Variants in RELN observed in about 807,000 individuals in gnomAD.
The protein encoded by RELN is reelin.
A neutral mutation model predicts 427.6 loss-of-function variants in RELN; 108 were observed. The ratio of observed to expected loss-of-function variants is 0.25; its 90% CI spans 0.22 to 0.30. The LOEUF (loss-of-function observed/expected upper bound fraction) is 0.30, where lower values mean the gene tolerates loss of function less well. Ranked by LOEUF, RELN falls within the 10% of genes least tolerant of loss-of-function variation. The probability of loss-of-function intolerance (pLI) is 1.00; values close to 1 mark genes in which losing one functional copy is unlikely to be tolerated. For missense variants in RELN, 3,715 were observed against 4,302.8 expected, an observed-to-expected ratio of 0.86 and a Z score of 3.82; for synonymous variants, 1,524 against 1,513.4, an observed-to-expected ratio of 1.01 and a Z score of -0.16.
chr7:103,589,465 T>G, intron 28 of RELN, 131 bp downstream of exon 28: 1 of 707,790 alleles, frequency 1.4e-6, no homozygotes, highest in East Asian at 2.6e-5. Context: ...TAAATAAATG[T>G]TTTAAAAATT....
intron 33 of RELN, among the ~76,000 whole-genome samples, chr7:103,565,886 T>G (rs772072407): frequency 3.3e-5 from 5 of 152,202 alleles, no homozygotes; most frequent in Non-Finnish European, 7.3e-5. Context: ...ATCAGGGTAA[T>G]TGGGATATCC....
At chr7:103,773,015 C>A (rs1005759375) in intron 4 of RELN, among the ~76,000 whole-genome samples, 3 of 152,082 alleles carry the variant, frequency 2.0e-5, no homozygotes, top group Non-Finnish European at 4.4e-5. Context: ...GGAGGATATT[C>A]GGCAGTTCCC....
chr7:103,778,154 CAT>C (rs1791792970), intron 3 of RELN, among the ~76,000 whole-genome samples: 2 of 152,278 alleles, frequency 1.3e-5, no homozygotes, highest in Admixed American at 1.3e-4. Flanking sequence ...GAGAACTAAA[CAT>C]AGGGCCAATC....
intron 2 of RELN, among the ~76,000 whole-genome samples, chr7:103,885,326 A>G (rs927325724): frequency 1.4e-5 from 2 of 143,470 alleles, no homozygotes; most frequent in Admixed American, 7.0e-5. Context: ...GCGACAGAGC[A>G]AGACTCCATC....
chr7:103,486,500 T>A, intron 60 of RELN, 84 bp from the exon 61 acceptor site: 2 of 1,070,066 alleles, frequency 1.9e-6, no homozygotes, highest in Non-Finnish European at 2.8e-6. Context: ...AGTTCAGGTT[T>A]AAGTAGTTGT....
At position 103,621,189 on chromosome 7, in the gene RELN, T is replaced by A. The variant is rs372042223; in HGVS notation, c.2702+8751A>T. On this transcript the variant is annotated intron_variant, in intron 20 of 64. Transcript: ENST00000428762. Reference sequence around the variant, plus strand: ...GTTGCAAAAAGTAGTCAAATGGATTTTTTAACATTGCCTTTAAATTTTATT... The same window carrying A: ...GTTGCAAAAAGTAGTCAAATGGATTATTTAACATTGCCTTTAAATTTTATT... Among the ~76,000 whole-genome samples the A allele has an allele frequency of 6.1e-4, 93 of 152,342 alleles. No individual in the cohort carries two copies. The East Asian group carries it at 6.9e-3, about 11-fold the overall frequency.
chr7:103,483,912 C>T (rs1828332851), intron 61 of RELN, 62 bp from the exon 62 acceptor site: 1 of 1,490,522 alleles, frequency 6.7e-7, no homozygotes, highest in Non-Finnish European at 9.1e-7. Context: ...TGGAGTCTTG[C>T]TCTGTCACCC....
chr7:103,496,012 T>G, intron 56 of RELN, 114 bp from the exon 57 acceptor site: 1 of 1,091,566 alleles, frequency 9.2e-7, no homozygotes, highest in South Asian at 1.3e-5. Flanking sequence ...TCCTTAAATT[T>G]TTATGCTCTA....
intron 2 of RELN, among the ~76,000 whole-genome samples, chr7:103,899,570 A>G (rs1039653842): frequency 2.6e-5 from 4 of 152,200 alleles, no homozygotes; most frequent in Admixed American, 2.6e-4. Context: ...CGAATCCAGC[A>G]GCACATCAAA....
intron 20 of RELN, among the ~76,000 whole-genome samples, chr7:103,624,616 C>T (rs913174554): frequency 4.6e-5 from 7 of 152,068 alleles, no homozygotes; most frequent in African/African-American, 1.7e-4. Flanking sequence ...TTAGTAGAGA[C>T]GGGATTTCAC....
chr7:103,815,926 C>G (rs1792857926), intron 3 of RELN, among the ~76,000 whole-genome samples: 1 of 152,140 alleles, frequency 6.6e-6, no homozygotes, highest in African/African-American at 2.4e-5. Context: ...TCATTAAAAA[C>G]ACTTATTTTT....
rs1584270696 is a variant in RELN, at chr7:103,824,675, T to TGTGTG, written c.473+8861_473+8862insCACAC. On this transcript the variant is annotated intron_variant, in intron 3 of 64. Transcript: ENST00000428762. The surrounding 1 kb of genome is among the most constrained non-coding windows in gnomAD (Gnocchi z 4.4). ...GTGTGTGTGTGTGTGTGTGTGTGTG[T>TGTGTG]TTGCTTCATTTTAGCTAGAGTTGCT... Among the ~76,000 whole-genome samples, 2 of 145,576 alleles carry TGTGTG rather than the reference T, an allele frequency of 1.4e-5. No homozygotes were observed. The highest frequency in any genetic ancestry group is 2.5e-5 in the African/African-American group (1 of 39,958).
chr7:103,923,639 AGATCGTTCC>A (rs1795663245), intron 1 of RELN, among the ~76,000 whole-genome samples: 1 of 152,186 alleles, frequency 6.6e-6, no homozygotes, highest in South Asian at 2.1e-4. Context: ...GGGTAGAGAG[AGATCGTTCC>A]TACCTTACCT....
chr7:103,506,376 A>G (rs12705123), intron 51 of RELN, among the ~76,000 whole-genome samples: 24,663 of 152,218 alleles, frequency 0.16, 2,136 homozygotes, highest in East Asian at 0.29. Flanking sequence ...CAGAAACCCT[A>G]CAAGCCAGAA....
Position 103,824,196 on chromosome 7 carries a change from T to C in RELN, c.473+9341A>G, listed in dbSNP as rs574994154. Among the ~76,000 whole-genome samples, 14 of 152,024 alleles carry C rather than the reference T, an allele frequency of 9.2e-5. No homozygotes were observed. The highest frequency in any genetic ancestry group is 3.9e-4 in the Admixed American group (6 of 15,226). On this transcript the variant is annotated intron_variant, in intron 3 of 64. Transcript: ENST00000428762. This position sits in a 1 kb window ranked among gnomAD's most constrained non-coding sequence, Gnocchi z 4.4. ...CTAGAAAAATTTCTGCCATTATCTC[T>C]TCAAATTTGTCTTATTATTTTTATT... is the stretch of plus-strand genomic sequence containing the variant.
intron 8 of RELN, among the ~76,000 whole-genome samples, chr7:103,713,717 G>A (rs1421231398): frequency 1.3e-5 from 2 of 151,356 alleles, no homozygotes; most frequent in African/African-American, 4.9e-5. Flanking sequence ...ATTCACTAGG[G>A]AGAAAATACT....
At chr7:103,798,887 G>A (rs1792375951) in intron 3 of RELN, among the ~76,000 whole-genome samples, 1 of 152,166 alleles carries the variant, frequency 6.6e-6, no homozygotes, top group African/African-American at 2.4e-5. Flanking sequence ...TCCCGCTTCT[G>A]TGTTAGCTAC....
At chr7:103,732,482 A>G (rs1184451464) in intron 6 of RELN, among the ~76,000 whole-genome samples, 1 of 152,112 alleles carries the variant, frequency 6.6e-6, no homozygotes, top group Non-Finnish European at 1.5e-5. Flanking sequence ...ACACATATGA[A>G]TGCCATTATG....
At chr7:103,732,456 A>C (rs968020144) in intron 6 of RELN, among the ~76,000 whole-genome samples, 1 of 152,106 alleles carries the variant, frequency 6.6e-6, no homozygotes, top group South Asian at 2.1e-4. Context: ...TTCTATCAAT[A>C]AAGTATTGTA....
Sources: allele counts gnomAD v4.1 joint callset (sites outside exome capture counted in the v4.1 genomes callset), GRCh38; gene constraint gnomAD v4.1.1; non-coding constraint Gnocchi (gnomAD v3.1); transcripts MANE v1.5; gene names NCBI Gene and HGNC (gene_info 2026-07-23, HGNC 2026-07-21).